Variants in RALYL observed in about 807,000 individuals in gnomAD.
RALYL encodes RNA-binding Raly-like protein.
RALYL carries 29 observed loss-of-function variants against 35.1 expected under a neutral mutation model. The ratio of observed to expected loss-of-function variants is 0.83; its 90% CI spans 0.61 to 1.13. The LOEUF (loss-of-function observed/expected upper bound fraction) is 1.13, where lower values mean the gene tolerates loss of function less well. Among genes scored for constraint, RALYL ranks in the 50% most tolerant of loss-of-function variants. The pLI is 0.00. For missense variants in RALYL, 359 were observed against 360.4 expected (o/e 1.00, Z 0.03); for synonymous variants, 120 against 127.6 (o/e 0.94, Z 0.40).
At chr8:84,911,085 T>C (rs1259130602) in intron 8 of RALYL, among the ~76,000 whole-genome samples, 1 of 152,062 alleles carries the variant, frequency 6.6e-6, no homozygotes, top group Non-Finnish European at 1.5e-5. Context: ...CCAAAAAGAA[T>C]GACGTGAGCA....
chr8:84,311,093 G>GAAAAAAAAA (rs1354856646), intron 1 of RALYL, among the ~76,000 whole-genome samples: 1 of 77,218 alleles, frequency 1.3e-5, no homozygotes. Flanking sequence ...AAAAAAAAAT[G>GAAAAAAAAA]TATATTAATG....
intron 1 of RALYL, among the ~76,000 whole-genome samples, chr8:84,481,699 A>G (rs2054060797): frequency 1.3e-5 from 2 of 152,186 alleles, no homozygotes; most frequent in African/African-American, 4.8e-5. Flanking sequence ...CATTATGCAA[A>G]TCATACGAAG....
At chr8:84,454,037 G>T (rs1474580546) in intron 1 of RALYL, among the ~76,000 whole-genome samples, 1 of 152,058 alleles carries the variant, frequency 6.6e-6, no homozygotes, top group African/African-American at 2.4e-5. Context: ...TGGACTTCAT[G>T]TACTTCCAGA....
chr8:84,808,648 T>C (rs1825222367), intron 4 of RALYL, among the ~76,000 whole-genome samples: 1 of 152,226 alleles, frequency 6.6e-6, no homozygotes, highest in African/African-American at 2.4e-5. Flanking sequence ...ATGGCAAGTA[T>C]TTCCATTTGT....
Position 84,420,389 on chromosome 8 carries a change from C to T in RALYL, c.-23-108910C>T, listed in dbSNP as rs946707751. On this transcript the variant is annotated intron_variant, in intron 1 of 8. Coordinates refer to ENST00000521268, the MANE Select transcript of RALYL (RefSeq NM_173848.7). ...ATGTCCTTCACCCACTTTTTGATGG[C>T]GTTGTTTGTTTTTTTCTTGTACATT... 1.1e-4 allele frequency among the ~76,000 whole-genome samples: 17 copies of T among 151,944 alleles called. No homozygotes were observed. In the Middle Eastern group the frequency reaches 0.014, roughly 122 times the overall value.
chr8:84,614,831 T>C (rs1316996771), intron 2 of RALYL, among the ~76,000 whole-genome samples: 2 of 149,150 alleles, frequency 1.3e-5, no homozygotes, highest in South Asian at 2.1e-4. Flanking sequence ...TTTTCTAAAA[T>C]CTTATAAAAT....
chr8:84,311,088 A>ATAT (rs1305392952), intron 1 of RALYL, among the ~76,000 whole-genome samples: 22 of 126,254 alleles, frequency 1.7e-4, no homozygotes, highest in Non-Finnish European at 3.1e-4. Context: ...AAAAAAAAAA[A>ATAT]AAATGTATAT....
chr8:84,247,223 C>T (rs1464760513), intron 1 of RALYL, among the ~76,000 whole-genome samples: 2 of 152,110 alleles, frequency 1.3e-5, no homozygotes, highest in African/African-American at 2.4e-5. Context: ...CACATTATTC[C>T]TATTAGAGGA....
chr8:84,599,484 A>G (rs960637993), intron 2 of RALYL, among the ~76,000 whole-genome samples: 5 of 152,014 alleles, frequency 3.3e-5, no homozygotes, highest in African/African-American at 1.2e-4. Context: ...TCTTCCTCCC[A>G]TAGAAGTTAG....
intron 2 of RALYL, among the ~76,000 whole-genome samples, chr8:84,760,013 T>C (rs1343361349): frequency 6.6e-6 from 1 of 152,194 alleles, no homozygotes; most frequent in Non-Finnish European, 1.5e-5. Context: ...TTGCCTATCT[T>C]ATAGGCCATT....
chr8:84,421,990 G>C (rs985367186), intron 1 of RALYL, among the ~76,000 whole-genome samples: 13 of 152,156 alleles, frequency 8.5e-5, no homozygotes, highest in Non-Finnish European at 1.8e-4. Flanking sequence ...TTTCATCAAG[G>C]TTATTGGTCT....
chr8:84,920,439 AAGACCTGTATTGGCTT>A (rs1220353968), intron 8 of RALYL, among the ~76,000 whole-genome samples: 3 of 152,094 alleles, frequency 2.0e-5, no homozygotes, highest in African/African-American at 7.2e-5. Context: ...ATGCAGATCA[AAGACCTGTATTGGCTT>A]TTTCTCCTAT....
rs536605675 is a variant in RALYL at position 84,508,765 on chromosome 8, T to C, written c.-23-20534T>C. Among the ~76,000 whole-genome samples, 361 of 152,152 alleles carry C rather than the reference T, an allele frequency of 2.4e-3. 2 individuals carry two copies. The highest frequency in any genetic ancestry group is 8.2e-3 in the African/African-American group (341 of 41,556). ...GAGGAAATTGAGAATACAACGTTGTTAAACATTTTGCCTTAGATTATGATT... is the reference window on the plus strand; with the variant it reads ...GAGGAAATTGAGAATACAACGTTGTCAAACATTTTGCCTTAGATTATGATT... On this transcript the variant is annotated intron_variant, in intron 1 of 8. Coordinates refer to ENST00000521268, the MANE Select transcript of RALYL (RefSeq NM_173848.7).
chr8:84,217,079 C>G (rs1344049404), intron 1 of RALYL, among the ~76,000 whole-genome samples: 1 of 152,106 alleles, frequency 6.6e-6, no homozygotes, highest in Non-Finnish European at 1.5e-5. Flanking sequence ...GCCTGCTCAT[C>G]CCTGAACACA....
rs1026384989 is a variant in RALYL, at chr8:84,796,984, G to A, written c.333-7786G>A. On this transcript the variant is annotated intron_variant, in intron 3 of 8. Coordinates refer to ENST00000521268, the MANE Select transcript of RALYL (RefSeq NM_173848.7). Reference sequence around the variant, plus strand: ...AGACCTGTGACTGAATTCAGACTCCGTCACTTTGCTGTGTGTCTTAGTTCG... The same window carrying A: ...AGACCTGTGACTGAATTCAGACTCCATCACTTTGCTGTGTGTCTTAGTTCG... Among the ~76,000 whole-genome samples, 17 of 152,150 alleles carry A rather than the reference G, an allele frequency of 1.1e-4. No individual in the cohort carries two copies. The South Asian group carries it at 1.2e-3, about 11-fold the overall frequency.
chr8:84,692,256 T>A (rs1026652065), intron 2 of RALYL, among the ~76,000 whole-genome samples: 1 of 151,894 alleles, frequency 6.6e-6, no homozygotes, highest in African/African-American at 2.4e-5. Context: ...ATAAAAAACA[T>A]CCCTATTTAT....
intron 1 of RALYL, among the ~76,000 whole-genome samples, chr8:84,275,396 A>G (rs1236837133): frequency 6.6e-6 from 1 of 152,044 alleles, no homozygotes; most frequent in Non-Finnish European, 1.5e-5. Flanking sequence ...CATTTGTAAA[A>G]TCAGTACTAA....
chr8:84,902,788 T>C (rs1423816092), intron 8 of RALYL, among the ~76,000 whole-genome samples: 1 of 152,158 alleles, frequency 6.6e-6, no homozygotes, highest in Non-Finnish European at 1.5e-5. Context: ...GGAAGTTTTT[T>C]TGGGTTATTG....
intron 1 of RALYL, among the ~76,000 whole-genome samples, chr8:84,444,448 C>T (rs187051694): frequency 6.6e-6 from 1 of 152,142 alleles, no homozygotes; most frequent in East Asian, 1.9e-4. Flanking sequence ...GAAAAAACAA[C>T]AGGTTGTTTG....
Sources: allele counts gnomAD v4.1 joint callset (sites outside exome capture counted in the v4.1 genomes callset), GRCh38; gene constraint gnomAD v4.1.1; transcripts MANE v1.5; gene names NCBI Gene and HGNC (gene_info 2026-07-23, HGNC 2026-07-21).